Variants in FAM168A observed in about 807,000 individuals in gnomAD.
FAM168A encodes the protein protein FAM168A.
A neutral mutation model predicts 28.5 loss-of-function variants in FAM168A; 3 were observed. The ratio of observed to expected loss-of-function variants is 0.11; its 90% CI spans 0.05 to 0.27. The LOEUF is 0.27. Ranked by LOEUF, FAM168A falls within the 10% of genes least tolerant of loss-of-function variation. FAM168A has a pLI of 1.00. For missense variants in FAM168A, 222 were observed against 311.5 expected, an observed-to-expected ratio of 0.71 and a Z score of 2.16; for synonymous variants, 122 against 124.2, an observed-to-expected ratio of 0.98 and a Z score of 0.12.
chr11:73,594,776 A>G (rs1302675546), intron 1 of FAM168A, among the ~76,000 whole-genome samples: 1 of 151,882 alleles, frequency 6.6e-6, no homozygotes, highest in African/African-American at 2.4e-5. Context: ...TGATCCACCC[A>G]CCTCGGCCTC....
intron 1 of FAM168A, among the ~76,000 whole-genome samples, chr11:73,517,805 A>C (rs1478404835): frequency 6.6e-6 from 1 of 152,226 alleles, no homozygotes; most frequent in Admixed American, 6.5e-5. Context: ...TTTTAACATA[A>C]AATAGGAAGC....
At chr11:73,544,662 TATTATATATA>T (rs1211017927) in intron 1 of FAM168A, among the ~76,000 whole-genome samples, 9 of 134,962 alleles carry the variant, frequency 6.7e-5, no homozygotes, top group Middle Eastern at 3.8e-3. Flanking sequence ...CAATTACATA[TATTATATATA>T]ATTATATATA....
intron 1 of FAM168A, among the ~76,000 whole-genome samples, chr11:73,479,224 A>G (rs1056626813): frequency 4.6e-5 from 7 of 152,200 alleles, no homozygotes; most frequent in African/African-American, 1.7e-4. Flanking sequence ...AACAACCTTG[A>G]TTTCATGGAA....
intron 1 of FAM168A, among the ~76,000 whole-genome samples, chr11:73,515,863 G>C (rs1943297249): frequency 2.6e-5 from 4 of 152,086 alleles, no homozygotes; most frequent in African/African-American, 9.7e-5. Context: ...AGCACTTTGG[G>C]AGGCTGAGGC....
At chr11:73,434,603 G>C (rs1293724152) in intron 2 of FAM168A, among the ~76,000 whole-genome samples, 5 of 152,102 alleles carry the variant, frequency 3.3e-5, no homozygotes, top group African/African-American at 1.2e-4. Context: ...ACAAATGAGG[G>C]GGCAGTAGTA....
chr11:73,495,640 T>C (rs1021317535), intron 1 of FAM168A, among the ~76,000 whole-genome samples: 3 of 152,222 alleles, frequency 2.0e-5, no homozygotes, highest in African/African-American at 7.2e-5. Flanking sequence ...TCTCCAAAGA[T>C]ATACAAATGA....
intron 3 of FAM168A, among the ~76,000 whole-genome samples, chr11:73,421,072 G>GA (rs377246704): frequency 3.1e-4 from 31 of 100,372 alleles, no homozygotes; most frequent in African/African-American, 1.5e-3. Flanking sequence ...ATAAAGTCTT[G>GA]GGGGGGGGGT....
chr11:73,414,443 G>A (rs1031158320), intron 4 of FAM168A, among the ~76,000 whole-genome samples: 13 of 152,164 alleles, frequency 8.5e-5, no homozygotes, highest in African/African-American at 3.1e-4. Flanking sequence ...TTCTATGCAG[G>A]AGAGTAGGAC....
At chr11:73,457,723 C>CCAAAAA (rs1867562833) in intron 2 of FAM168A, among the ~76,000 whole-genome samples, 1 of 37,542 alleles carries the variant, frequency 2.7e-5, no homozygotes, top group Non-Finnish European at 7.8e-5. Context: ...GCCTGGGTGA[C>CCAAAAA]AAAAAAAAAA....
chr11:73,536,194 G>A (rs111666284), intron 1 of FAM168A, among the ~76,000 whole-genome samples: 43 of 152,092 alleles, frequency 2.8e-4, no homozygotes, highest in African/African-American at 1.0e-3. Flanking sequence ...TTTTAACAAC[G>A]AACAGACAAC....
intron 2 of FAM168A, among the ~76,000 whole-genome samples, chr11:73,463,869 A>G (rs978465714): frequency 7.2e-5 from 11 of 152,248 alleles, no homozygotes; most frequent in African/African-American, 2.7e-4. Flanking sequence ...AGAACAGTTA[A>G]TAAGAATTCT....
At chr11:73,583,561 T>C (rs1219566638) in intron 1 of FAM168A, among the ~76,000 whole-genome samples, 3 of 152,172 alleles carry the variant, frequency 2.0e-5, no homozygotes, top group Admixed American at 2.0e-4. Flanking sequence ...AACCCAGAGA[T>C]GGGGTACCCA....
chr11:73,442,963 T>TATATATAC (rs1287502052), intron 2 of FAM168A, among the ~76,000 whole-genome samples: 1 of 86,952 alleles, frequency 1.2e-5, no homozygotes, highest in African/African-American at 6.1e-5. Context: ...AGGATATATA[T>TATATATAC]ATATATATAT....
chr11:73,502,080 G>A (rs536751408), intron 1 of FAM168A, among the ~76,000 whole-genome samples: 3 of 138,420 alleles, frequency 2.2e-5, no homozygotes, highest in South Asian at 4.7e-4. Flanking sequence ...CAGCTTGGGC[G>A]ACAGATCAAA....
chr11:73,520,062 T>A lies in FAM168A; in HGVS notation c.-18-51570A>T, dbSNP rs1943356575. Among the ~76,000 whole-genome samples, 3 of 151,898 alleles carry A rather than the reference T, an allele frequency of 2.0e-5. No individual in the cohort carries two copies. The South Asian group carries it at 6.3e-4, about 32-fold the overall frequency. On this transcript the variant is annotated intron_variant, in intron 1 of 7. Transcript: ENST00000356467. ...TAATTTTATTATTATTATTATTATT[T>A]TGGAGGCAGAGTCTCACTCTGTCAC...
chr11:73,536,351 T>C (rs1943580832), intron 1 of FAM168A, among the ~76,000 whole-genome samples: 1 of 152,076 alleles, frequency 6.6e-6, no homozygotes, highest in Admixed American at 6.6e-5. Flanking sequence ...TTGTCAATGG[T>C]GAATCATATC....
At position 73,526,355 on chromosome 11, in the gene FAM168A, G is replaced by T. The variant is rs538300480; in HGVS notation, c.-18-57863C>A. 2.6e-5 allele frequency among the ~76,000 whole-genome samples: 4 copies of T among 152,252 alleles called. No individual in the cohort carries two copies. The South Asian group carries it at 6.2e-4, about 24-fold the overall frequency. On this transcript the variant is annotated intron_variant, in intron 1 of 7. Transcript: ENST00000356467. ...AGTGATAATATCTAATGTTGGCAGG[G>T]TGTGCAAGGTGTGACGATGTTCCTA...
At chr11:73,430,904 G>T in intron 2 of FAM168A, 134 bp from the exon 3 acceptor site, 1 of 641,358 alleles carries the variant, frequency 1.6e-6, no homozygotes, top group Non-Finnish European at 2.6e-6. Flanking sequence ...CTCTCCATGG[G>T]CTATTCCAGA....
At chr11:73,518,402 ATT>A (rs1943332417) in intron 1 of FAM168A, among the ~76,000 whole-genome samples, 1 of 151,886 alleles carries the variant, frequency 6.6e-6, no homozygotes, top group African/African-American at 2.4e-5. Flanking sequence ...AAAATTAAAA[ATT>A]AATTAAAAAT....
Sources: allele counts gnomAD v4.1 joint callset (sites outside exome capture counted in the v4.1 genomes callset), GRCh38; gene constraint gnomAD v4.1.1; transcripts MANE v1.5; gene names NCBI Gene and HGNC (gene_info 2026-07-23, HGNC 2026-07-21).